The following KMT2C variants were observed in gnomAD, a reference collection of about 807,000 sequenced individuals.
The protein encoded by KMT2C is histone-lysine N-methyltransferase 2C.
A neutral mutation model predicts 507.9 loss-of-function variants in KMT2C; 88 were observed. The ratio of observed to expected loss-of-function variants is 0.17; its 90% CI spans 0.15 to 0.21. The LOEUF is 0.21. Among genes scored for constraint, KMT2C ranks in the 10% least tolerant of loss-of-function variants. The pLI, the probability that KMT2C is intolerant of heterozygous loss-of-function variation, is 1.00. For synonymous variants in KMT2C, 2,049 were observed against 2,080.8 expected, an observed-to-expected ratio of 0.98 and a Z score of 0.42; for missense variants, 4,954 against 5,957.8, an observed-to-expected ratio of 0.83 and a Z score of 5.55.
At chr7:152,155,327 A>G (rs529372119) in intron 46 of KMT2C, among the ~76,000 whole-genome samples, 2 of 152,330 alleles carry the variant, frequency 1.3e-5, no homozygotes, top group South Asian at 4.1e-4. Context: ...GATTTTCCAA[A>G]GAAGAGATAA....
chr7:152,187,523 T>C (rs781485069), intron 32 of KMT2C, 47 bp from the exon 33 acceptor site: 8 of 1,520,786 alleles, frequency 5.3e-6, no homozygotes, highest in Non-Finnish European at 6.4e-6. Flanking sequence ...AAATAACTTC[T>C]TAATATATGT....
At chr7:152,198,408 T>G (rs1760006732) in intron 27 of KMT2C, among the ~76,000 whole-genome samples, 1 of 152,246 alleles carries the variant, frequency 6.6e-6, no homozygotes, top group African/African-American at 2.4e-5. Context: ...GGAAGATTGC[T>G]TTAAAATTGT....
intron 44 of KMT2C, among the ~76,000 whole-genome samples, chr7:152,158,634 G>C (rs2092251863): frequency 6.6e-6 from 1 of 151,740 alleles, no homozygotes; most frequent in Non-Finnish European, 1.5e-5. Flanking sequence ...TCGTGCCTCA[G>C]CCTCCCAAGT....
At chr7:152,289,231 C>T (rs567825460) in intron 6 of KMT2C, among the ~76,000 whole-genome samples, 25 of 152,310 alleles carry the variant, frequency 1.6e-4, no homozygotes, top group African/African-American at 6.0e-4. Flanking sequence ...ACTGTTGATG[C>T]ATTTCCAAAA....
intron 37 of KMT2C, among the ~76,000 whole-genome samples, chr7:152,178,879 T>C (rs922063445): frequency 2.0e-5 from 3 of 152,230 alleles, no homozygotes; most frequent in South Asian, 4.1e-4. Context: ...TTTAGCCACT[T>C]TGAAAAAGGA....
At position 152,248,514 on chromosome 7, in the gene KMT2C, T is replaced by C. The variant is rs746992814; in HGVS notation, c.1920A>G (p.Glu640=). 35 of 1,613,892 alleles carry C rather than the reference T, an allele frequency of 2.2e-5. No homozygotes were observed. The South Asian group carries it at 3.7e-4, about 17-fold the overall frequency. ...CTTCCATTTTATCTTCAATTTGATC[T>C]TCGCCACAAATATGCTTCACTTCAG... The part of the protein sequence containing the change: ...MSSEVKHICG[E]DQIEDKMEVT... Residue 640 remains glutamate (E), a synonymous_variant, in exon 14 of 59, where the codon GAA becomes GAG. Coordinates refer to ENST00000262189, the MANE Select transcript of KMT2C (RefSeq NM_170606.3).
At chr7:152,287,486 T>A (rs1308695118) in intron 6 of KMT2C, among the ~76,000 whole-genome samples, 2 of 152,072 alleles carry the variant, frequency 1.3e-5, no homozygotes, top group African/African-American at 2.4e-5. Context: ...GTGCCCCACC[T>A]CCACCCCAAA....
chr7:152,262,283 C>T (rs2095793921), intron 9 of KMT2C, among the ~76,000 whole-genome samples: 1 of 152,156 alleles, frequency 6.6e-6, no homozygotes, highest in Admixed American at 6.6e-5. Flanking sequence ...GCCATCATGC[C>T]CTCTCCAGCT....
intron 15 of KMT2C, among the ~76,000 whole-genome samples, chr7:152,237,246 C>T (rs2095293873): frequency 6.6e-6 from 1 of 152,176 alleles, no homozygotes; most frequent in Non-Finnish European, 1.5e-5. Flanking sequence ...GAACTTATTC[C>T]CTATTTAGCA....
At chr7:152,388,491 G>C (rs370411988) in intron 1 of KMT2C, among the ~76,000 whole-genome samples, 2,071 of 123,698 alleles carry the variant, frequency 0.017, no homozygotes, top group African/African-American at 0.039. Flanking sequence ...CCCGGGAGGC[G>C]GAGGTTGCGT....
Position 152,417,999 on chromosome 7 carries a change from C to T in KMT2C, c.161+17627G>A, listed in dbSNP as rs1010993303. Among the ~76,000 whole-genome samples, 81 of 148,914 alleles carry T rather than the reference C, an allele frequency of 5.4e-4. 1 individual carries two copies. The Middle Eastern group carries it at 0.011, about 20-fold the overall frequency. ...ATGGAGTCTCACTCTGTCACCTAGGCTGGAGTGAAGTGGCACAATCTCGGC... is the reference window on the plus strand; with the variant it reads ...ATGGAGTCTCACTCTGTCACCTAGGTTGGAGTGAAGTGGCACAATCTCGGC... On this transcript the variant is annotated intron_variant, in intron 1 of 58. Coordinates refer to ENST00000262189, the MANE Select transcript of KMT2C (RefSeq NM_170606.3).
At chr7:152,305,868 G>A (rs553023456) in intron 6 of KMT2C, among the ~76,000 whole-genome samples, 1 of 152,072 alleles carries the variant, frequency 6.6e-6, no homozygotes, top group Non-Finnish European at 1.5e-5. Context: ...TTCTCAAGGA[G>A]CCCTGGTTCC....
At chr7:152,244,952 A>G (rs2095445482) in intron 14 of KMT2C, among the ~76,000 whole-genome samples, 1 of 152,230 alleles carries the variant, frequency 6.6e-6, no homozygotes, top group South Asian at 2.1e-4. Context: ...TTAAAGGAAA[A>G]TAATTCTATA....
At chr7:152,189,455 T>C (rs1302072422) in intron 31 of KMT2C, among the ~76,000 whole-genome samples, 1 of 152,190 alleles carries the variant, frequency 6.6e-6, no homozygotes, top group African/African-American at 2.4e-5. Flanking sequence ...TTGGTATAAC[T>C]AGAGAATTCC....
intron 7 of KMT2C, among the ~76,000 whole-genome samples, chr7:152,271,673 CAAAAA>C (rs35698920): frequency 7.3e-5 from 4 of 54,994 alleles, no homozygotes; most frequent in Non-Finnish European, 1.6e-4. Context: ...GACTCCATCT[CAAAAA>C]AAAAAAAAAA....
At chr7:152,249,313 T>G (rs2095524161) in intron 13 of KMT2C, among the ~76,000 whole-genome samples, 2 of 137,392 alleles carry the variant, frequency 1.5e-5, no homozygotes, top group African/African-American at 5.5e-5. Context: ...TGACTAAAAT[T>G]TATCTGGTTT....
In KMT2C at chr7:152,146,059, C is replaced by T. The variant is rs137958163; in HGVS notation, c.14031+540G>A. On this transcript the variant is annotated intron_variant, in intron 53 of 58. Coordinates refer to ENST00000262189, the MANE Select transcript of KMT2C (RefSeq NM_170606.3). Reference sequence around the variant, plus strand: ...TTGAAAACAATGCCTTAGAATCATACAATTTTCTAAAACTATTGTGTAGAT... The same window carrying T: ...TTGAAAACAATGCCTTAGAATCATATAATTTTCTAAAACTATTGTGTAGAT... Among the ~76,000 whole-genome samples, 1,425 of 152,302 alleles carry T rather than the reference C, an allele frequency of 9.4e-3. 29 individuals are homozygous for T. Among genetic ancestry groups the T allele is most frequent in the African/African-American group, 0.032 (1,338 of 41,542 alleles).
At chr7:152,415,574 A>C (rs535577794) in intron 1 of KMT2C, among the ~76,000 whole-genome samples, 6 of 152,280 alleles carry the variant, frequency 3.9e-5, no homozygotes, top group African/African-American at 1.4e-4. Context: ...ATTCGCAAGA[A>C]ATACAAGTAA....
chr7:152,383,725 T>A (rs1340976031), intron 1 of KMT2C, among the ~76,000 whole-genome samples: 3 of 152,190 alleles, frequency 2.0e-5, no homozygotes, highest in Non-Finnish European at 2.9e-5. Context: ...GCAAGTCACT[T>A]AACTTCTCCC....
Sources: gnomAD v4.1 joint callset for allele counts (sites outside exome capture counted in the v4.1 genomes callset) on GRCh38, gnomAD v4.1.1 for gene constraint, MANE v1.5 for transcripts, NCBI Gene and HGNC (gene_info 2026-07-23, HGNC 2026-07-21) for gene names.